NFIB: variants seen among roughly 807,000 people sequenced by gnomAD.
The protein encoded by NFIB is nuclear factor I B.
In NFIB, 11 loss-of-function variants were observed where a neutral mutation model predicts 61.5. That is an observed-to-expected ratio of 0.18 (90% CI 0.11 to 0.30). The LOEUF is 0.30. Ranked by LOEUF, NFIB falls within the 10% of genes least tolerant of loss-of-function variation. NFIB has a pLI of 1.00. For missense variants in NFIB, 471 were observed against 608.9 expected (o/e 0.77, Z 2.38); for synonymous variants, 260 against 216.5 (o/e 1.20, Z -1.76).
chr9:14,295,449 A>G (rs1252308527), intron 2 of NFIB, among the ~76,000 whole-genome samples: 1 of 151,614 alleles, frequency 6.6e-6, no homozygotes, highest in South Asian at 2.1e-4. Flanking sequence ...ACACTGTGAA[A>G]CCCCGTCTCT....
intron 1 of NFIB, among the ~76,000 whole-genome samples, chr9:14,375,440 A>G (rs971416413): frequency 4.6e-5 from 7 of 152,178 alleles, no homozygotes; most frequent in South Asian, 2.1e-4. Context: ...GGTGGATCAC[A>G]AGGTCAGCAG....
intron 3 of NFIB, among the ~76,000 whole-genome samples, chr9:14,164,344 C>T (rs1186960229): frequency 1.3e-5 from 2 of 151,978 alleles, no homozygotes; most frequent in African/African-American, 2.4e-5. Flanking sequence ...GATGGTATAA[C>T]CTACTACACA....
intron 1 of NFIB, among the ~76,000 whole-genome samples, chr9:14,354,998 T>A (rs912276543): frequency 3.3e-5 from 5 of 151,990 alleles, no homozygotes; most frequent in Admixed American, 6.5e-5. Context: ...ACAAATGAGA[T>A]GACCTATAGC....
At chr9:14,294,677 C>T (rs1588175837) in intron 2 of NFIB, among the ~76,000 whole-genome samples, 1 of 152,150 alleles carries the variant, frequency 6.6e-6, no homozygotes, top group South Asian at 2.1e-4. Flanking sequence ...TTTCCGTACA[C>T]CCTAGTTACC....
chr9:14,263,709 C>A (rs188932079), intron 2 of NFIB, among the ~76,000 whole-genome samples: 155 of 152,226 alleles, frequency 1.0e-3, no homozygotes, highest in Non-Finnish European at 1.9e-3. Context: ...AGTTATGAGC[C>A]TACATTATCA....
At chr9:14,385,049 C>G (rs1159111150) in intron 1 of NFIB, among the ~76,000 whole-genome samples, 1 of 152,242 alleles carries the variant, frequency 6.6e-6, no homozygotes, top group African/African-American at 2.4e-5. Context: ...GGCATTCGCT[C>G]CAACTTAGCT....
At chr9:14,409,241 T>G in the NFIB span, among the ~76,000 whole-genome samples, 1 of 152,208 alleles carries the variant, frequency 6.6e-6, no homozygotes, top group Non-Finnish European at 1.5e-5. Context: ...ATAATTTATT[T>G]AATTATAAGC....
chr9:14,510,371 C>T, the NFIB span, among the ~76,000 whole-genome samples: 9 of 152,130 alleles, frequency 5.9e-5, no homozygotes, highest in East Asian at 1.7e-3. Context: ...CAATGAGAGA[C>T]CAGAAATCCA....
At chr9:14,464,243 T>C in the NFIB span, among the ~76,000 whole-genome samples, 1 of 152,212 alleles carries the variant, frequency 6.6e-6, no homozygotes, top group Non-Finnish European at 1.5e-5. Context: ...CATTTATGTA[T>C]GGTAAGAATC....
chr9:14,395,120 C>T (rs149125086), intron 1 of NFIB, among the ~76,000 whole-genome samples: 1 of 151,844 alleles, frequency 6.6e-6, no homozygotes, highest in Non-Finnish European at 1.5e-5. Context: ...CCTCAGAACC[C>T]TGGGTGCCAA....
chr9:14,306,288 A>C (rs1378868336), intron 2 of NFIB, among the ~76,000 whole-genome samples: 2 of 152,234 alleles, frequency 1.3e-5, no homozygotes, highest in Non-Finnish European at 2.9e-5. Flanking sequence ...TTTACATACA[A>C]GTAAACTAAC....
chr9:14,097,205 C>G (rs1360669449), intron 10 of NFIB, among the ~76,000 whole-genome samples: 2 of 151,878 alleles, frequency 1.3e-5, no homozygotes, highest in Non-Finnish European at 2.9e-5. Context: ...AGTTAGCAGC[C>G]CCTTTACCAA....
chr9:14,410,198 C>CAAA, the NFIB span, among the ~76,000 whole-genome samples: 1 of 117,956 alleles, frequency 8.5e-6, no homozygotes, highest in Non-Finnish European at 1.8e-5. Context: ...TACTATTTTC[C>CAAA]AAAAAAAAAA....
At chr9:14,483,524 T>G in the NFIB span, among the ~76,000 whole-genome samples, 1 of 152,204 alleles carries the variant, frequency 6.6e-6, no homozygotes, top group Non-Finnish European at 1.5e-5. Context: ...TCAGACATCC[T>G]GAGTTAAATC....
chr9:14,155,177 G>A (rs2043263284), intron 4 of NFIB, among the ~76,000 whole-genome samples: 2 of 152,150 alleles, frequency 1.3e-5, no homozygotes, highest in Admixed American at 1.3e-4. Context: ...GTTTGTACAT[G>A]CTAGTAATAA....
intron 2 of NFIB, among the ~76,000 whole-genome samples, chr9:14,218,610 A>C (rs187598072): frequency 7.7e-4 from 118 of 152,332 alleles, no homozygotes; most frequent in Middle Eastern, 3.4e-3. Flanking sequence ...TTCAGTATTT[A>C]ATAGTGTATT....
At chr9:14,370,967 C>T (rs1489931471) in intron 1 of NFIB, among the ~76,000 whole-genome samples, 2 of 152,104 alleles carry the variant, frequency 1.3e-5, no homozygotes, top group Non-Finnish European at 2.9e-5. Context: ...TGATGGTGGG[C>T]ACCTGTAATC....
At chr9:14,343,436 T>C (rs2060977013) in intron 1 of NFIB, among the ~76,000 whole-genome samples, 1 of 151,896 alleles carries the variant, frequency 6.6e-6, no homozygotes, top group Non-Finnish European at 1.5e-5. Context: ...CGTGGCCAGG[T>C]TTTCCCTGTA....
intron 2 of NFIB, among the ~76,000 whole-genome samples, chr9:14,199,079 G>A (rs530254375): frequency 1.1e-4 from 16 of 152,336 alleles, no homozygotes; most frequent in African/African-American, 3.6e-4. Flanking sequence ...CTTTATCCAA[G>A]TGATCCAAAG....
Sources: gnomAD v4.1 joint callset for allele counts (sites outside exome capture counted in the v4.1 genomes callset) on GRCh38, gnomAD v4.1.1 for gene constraint, MANE v1.5 for transcripts, NCBI Gene and HGNC (gene_info 2026-07-23, HGNC 2026-07-21) for gene names.